Variants in MEI4 observed in about 807,000 individuals in gnomAD.
MEI4 encodes meiosis-specific protein MEI4.
MEI4 carries 27 observed loss-of-function variants against 31.4 expected under a neutral mutation model. The ratio of observed to expected loss-of-function variants is 0.86; its 90% CI spans 0.63 to 1.19. The LOEUF (loss-of-function observed/expected upper bound fraction) is 1.19. MEI4 is among the 50% of genes most tolerant of loss of function. MEI4 has a pLI of 0.00. For missense variants in MEI4, 329 were observed against 398.9 expected (o/e 0.82, Z 1.49); for synonymous variants, 122 against 145.4 (o/e 0.84, Z 1.16).
chr6:77,785,503 TAG>T (rs754240460), intron 3 of MEI4, among the ~76,000 whole-genome samples: 3 of 152,204 alleles, frequency 2.0e-5, no homozygotes, highest in Non-Finnish European at 2.9e-5. Context: ...GGGCACAGAC[TAG>T]ACATTTCTCA....
chr6:77,890,920 A>G (rs1298233394), intron 4 of MEI4, among the ~76,000 whole-genome samples: 1 of 152,160 alleles, frequency 6.6e-6, no homozygotes, highest in Non-Finnish European at 1.5e-5. Context: ...CCCTTCCACC[A>G]TGATTGTAAG....
rs1379269604 is a variant in MEI4, at chr6:77,924,032, G to A, written c.*686G>A. On this transcript the variant is annotated 3_prime_UTR_variant, in exon 5 of 5. Coordinates refer to ENST00000684080, the MANE Select transcript of MEI4 (RefSeq NM_001322247.2). The stretch of plus-strand genomic sequence containing the variant: ...TAATTAAATATGTTATAATAGTCTT[G>A]TAATTGTTAAATAGTATACAATTAA... 6.6e-6 allele frequency: 1 copy of A among 151,494 alleles called. No individual in the cohort carries two copies. Among genetic ancestry groups the A allele is most frequent in the Non-Finnish European group, 1.5e-5 (1 of 67,770 alleles). 9.4% of individuals were successfully genotyped at this position (151,494 alleles called of 1,614,324 possible). A position where few individuals can be genotyped will look rare whatever the true frequency, so the allele number is the denominator to read the frequency against.
intron 1 of MEI4, among the ~76,000 whole-genome samples, chr6:77,662,493 G>A (rs1056564749): frequency 6.6e-6 from 1 of 152,212 alleles, no homozygotes; most frequent in African/African-American, 2.4e-5. Flanking sequence ...AGTGAGTATA[G>A]CTGAAGGAGC....
At chr6:77,772,536 C>T (rs1768343361) in intron 3 of MEI4, among the ~76,000 whole-genome samples, 1 of 151,740 alleles carries the variant, frequency 6.6e-6, no homozygotes. Flanking sequence ...TTAAAACTGT[C>T]AATAAACTGG....
chr6:77,745,836 A>T (rs867387678), intron 2 of MEI4, among the ~76,000 whole-genome samples: 2 of 152,244 alleles, frequency 1.3e-5, no homozygotes, highest in Non-Finnish European at 2.9e-5. Context: ...CCGCTCAACT[A>T]CATGGAAACT....
At chr6:77,809,870 AATT>A (rs1176819393) in intron 3 of MEI4, among the ~76,000 whole-genome samples, 1 of 152,198 alleles carries the variant, frequency 6.6e-6, no homozygotes, top group Non-Finnish European at 1.5e-5. Flanking sequence ...TTGAAATTTA[AATT>A]ATTTGTGTTT....
chr6:77,671,102 G>T (rs542036913), intron 1 of MEI4, among the ~76,000 whole-genome samples: 184 of 139,518 alleles, frequency 1.3e-3, no homozygotes, highest in Non-Finnish European at 2.4e-3. Context: ...CTGTCACCCA[G>T]GCTGGAGTGC....
intron 2 of MEI4, among the ~76,000 whole-genome samples, chr6:77,705,816 G>A (rs1766318497): frequency 6.6e-6 from 1 of 152,142 alleles, no homozygotes; most frequent in Admixed American, 6.5e-5. Flanking sequence ...GTGTGTGTGG[G>A]CATTTGTTAG....
rs112940618 is a variant in MEI4, at chr6:77,681,849, A to G, written c.-14-8809A>G. On this transcript the variant is annotated intron_variant, in intron 1 of 4. Coordinates refer to ENST00000684080, the MANE Select transcript of MEI4 (RefSeq NM_001322247.2). The stretch of plus-strand genomic sequence containing the variant: ...TCTTTGCAAGCCTTCTGTCACGCAC[A>G]GACTCTCTGCTGGAAAGGCTTCCAC... 5.2e-3 allele frequency among the ~76,000 whole-genome samples: 789 copies of G among 152,360 alleles called. 7 individuals are homozygous for G. The highest frequency in any genetic ancestry group is 0.019 in the African/African-American group (770 of 41,582).
intron 4 of MEI4, among the ~76,000 whole-genome samples, chr6:77,867,884 G>A (rs560971060): frequency 5.3e-5 from 8 of 152,258 alleles, no homozygotes; most frequent in African/African-American, 1.9e-4. Context: ...ATACTATGCA[G>A]CCATAAAAAA....
chr6:77,855,340 A>T (rs1000371943), intron 4 of MEI4, among the ~76,000 whole-genome samples: 4 of 152,006 alleles, frequency 2.6e-5, no homozygotes, highest in African/African-American at 9.7e-5. Flanking sequence ...GCAAGACTCC[A>T]TCTAAAAAAA....
intron 4 of MEI4, among the ~76,000 whole-genome samples, chr6:77,844,259 T>C (rs1770427996): frequency 6.6e-6 from 1 of 152,152 alleles, no homozygotes; most frequent in South Asian, 2.1e-4. Context: ...TGCCTCATGG[T>C]ATTAATAATT....
intron 1 of MEI4, among the ~76,000 whole-genome samples, chr6:77,678,334 G>C (rs60324587): frequency 1.3e-3 from 191 of 152,330 alleles, no homozygotes; most frequent in African/African-American, 4.5e-3. Flanking sequence ...TGACTGTCAT[G>C]AATTTGTTTG....
At chr6:77,844,710 G>T (rs1358860630) in intron 4 of MEI4, among the ~76,000 whole-genome samples, 3 of 151,974 alleles carry the variant, frequency 2.0e-5, no homozygotes, top group Non-Finnish European at 2.9e-5. Flanking sequence ...ACAGTGACTG[G>T]CCTTACCTGA....
chr6:77,892,249 G>C (rs530247292), intron 4 of MEI4, among the ~76,000 whole-genome samples: 1 of 151,094 alleles, frequency 6.6e-6, no homozygotes, highest in Non-Finnish European at 1.5e-5. Flanking sequence ...AGCAGCAGTG[G>C]TGGTAAAGGC....
At chr6:77,752,000 C>T (rs1352659583) in intron 2 of MEI4, among the ~76,000 whole-genome samples, 2 of 152,148 alleles carry the variant, frequency 1.3e-5, no homozygotes, top group East Asian at 3.8e-4. Flanking sequence ...ATCACATAAA[C>T]AGAACCAATG....
chr6:77,844,826 C>A (rs1046501939), intron 4 of MEI4, among the ~76,000 whole-genome samples: 9 of 152,078 alleles, frequency 5.9e-5, no homozygotes, highest in African/African-American at 2.2e-4. Context: ...ACATCCCTCT[C>A]CTCCCAGAAA....
chr6:77,795,909 GGACAGC>G lies in MEI4; in HGVS notation c.769-33020_769-33015del, dbSNP rs1219492882. On this transcript the variant is annotated intron_variant, in intron 3 of 4. Coordinates refer to ENST00000684080, the MANE Select transcript of MEI4 (RefSeq NM_001322247.2). ...GAACACTTCGAAACTCATTTTATGA[GGACAGC>G]GTTACTCTGATACCAAAGCTAGACA... 2.6e-5 allele frequency among the ~76,000 whole-genome samples: 4 copies of G among 152,118 alleles called. No homozygotes were observed. In the East Asian group the frequency reaches 7.7e-4, roughly 29 times the overall value.
At chr6:77,771,429 A>G (rs1768316451) in intron 3 of MEI4, among the ~76,000 whole-genome samples, 1 of 152,128 alleles carries the variant, frequency 6.6e-6, no homozygotes, top group Non-Finnish European at 1.5e-5. Context: ...TGGAAATTTC[A>G]TTATTGGGTA....
Sources: allele counts gnomAD v4.1 joint callset (sites outside exome capture counted in the v4.1 genomes callset), GRCh38; gene constraint gnomAD v4.1.1; transcripts MANE v1.5; gene names NCBI Gene and HGNC (gene_info 2026-07-23, HGNC 2026-07-21).